Variants in MAP2 observed in about 807,000 individuals in gnomAD.
MAP2 encodes microtubule-associated protein 2.
In MAP2, 14 loss-of-function variants were observed where a neutral mutation model predicts 137.6. The ratio of observed to expected loss-of-function variants is 0.10; its 90% confidence interval spans 0.07 to 0.16. MAP2 has a LOEUF of 0.16. Among genes scored for constraint, MAP2 ranks in the 10% least tolerant of loss-of-function variants. The pLI, the probability that MAP2 is intolerant of heterozygous loss-of-function variation, is 1.00. For missense variants in MAP2, 2,088 were observed against 2,191.5 expected (o/e 0.95, Z 0.94); for synonymous variants, 786 against 782.3 (o/e 1.00, Z -0.08).
At chr2:209,646,442 A>G (rs1475325863) in intron 4 of MAP2, among the ~76,000 whole-genome samples, 2 of 152,226 alleles carry the variant, frequency 1.3e-5, no homozygotes, top group Non-Finnish European at 2.9e-5. Context: ...CACATACTCA[A>G]GTAAGATTTT....
At chr2:209,650,573 G>T (rs2094722616) in intron 4 of MAP2, among the ~76,000 whole-genome samples, 1 of 152,092 alleles carries the variant, frequency 6.6e-6, no homozygotes, top group Admixed American at 6.6e-5. Context: ...GAGACATGAG[G>T]ACTAAATATA....
chr2:209,467,425 C>A (rs1435296042), intron 1 of MAP2, among the ~76,000 whole-genome samples: 1 of 152,162 alleles, frequency 6.6e-6, no homozygotes, highest in Non-Finnish European at 1.5e-5. Context: ...CCATTGAGGA[C>A]TACTTAAAAT....
rs527599702 is a variant in MAP2, at chr2:209,644,334, C to A, written c.-29-8808C>A. On this transcript the variant is annotated intron_variant, in intron 4 of 15. Coordinates refer to ENST00000682079, the MANE Select transcript of MAP2 (RefSeq NM_001375505.1). ...CAGATTTAGAAATGTTTTTACTAGA[C>A]CCTATTCGTGTCCAGTAGTTTGTTT... Among the ~76,000 whole-genome samples, 159 of 152,240 alleles carry A rather than the reference C, an allele frequency of 1.0e-3. 1 individual carries two copies. Among genetic ancestry groups the A allele is most frequent in the African/African-American group, 3.7e-3 (152 of 41,550 alleles).
chr2:209,629,143 G>C (rs544691805), intron 4 of MAP2, among the ~76,000 whole-genome samples: 4 of 152,196 alleles, frequency 2.6e-5, no homozygotes, highest in African/African-American at 9.7e-5. Context: ...TAATTAGCTG[G>C]ATGAGAAAGC....
intron 1 of MAP2, among the ~76,000 whole-genome samples, chr2:209,500,036 C>T (rs761920820): frequency 6.6e-6 from 1 of 152,168 alleles, no homozygotes; most frequent in Non-Finnish European, 1.5e-5. Flanking sequence ...GTAACACTCT[C>T]CTTTATATGG....
intron 3 of MAP2, among the ~76,000 whole-genome samples, chr2:209,603,186 C>T (rs888028806): frequency 6.6e-5 from 10 of 152,048 alleles, no homozygotes; most frequent in African/African-American, 1.4e-4. Flanking sequence ...ACTGACCTGA[C>T]GCCCACAAAT....
intron 4 of MAP2, among the ~76,000 whole-genome samples, chr2:209,648,643 G>T (rs1352102504): frequency 2.1e-5 from 2 of 96,716 alleles, no homozygotes; most frequent in Non-Finnish European, 4.1e-5. Flanking sequence ...AAAAAAAAAA[G>T]CCAGGCATGT....
intron 3 of MAP2, among the ~76,000 whole-genome samples, chr2:209,612,439 A>T (rs778813370): frequency 2.0e-5 from 3 of 152,180 alleles, no homozygotes; most frequent in Admixed American, 6.5e-5. Flanking sequence ...TTATTTCTTT[A>T]TGAAAAAATG....
intron 3 of MAP2, among the ~76,000 whole-genome samples, chr2:209,624,409 T>A (rs934618455): frequency 1.3e-5 from 2 of 152,188 alleles, no homozygotes; most frequent in African/African-American, 4.8e-5. Flanking sequence ...GAATGGCTTA[T>A]GAAGTAGAAA....
intron 4 of MAP2, among the ~76,000 whole-genome samples, chr2:209,641,573 G>A (rs754369649): frequency 2.7e-5 from 4 of 150,550 alleles, no homozygotes; most frequent in Non-Finnish European, 5.9e-5. Context: ...TCTAGTAAGC[G>A]GTAGACCCAG....
At chr2:209,444,689 G>A (rs1389721826) in intron 1 of MAP2, among the ~76,000 whole-genome samples, 1 of 151,504 alleles carries the variant, frequency 6.6e-6, no homozygotes, top group Non-Finnish European at 1.5e-5. Context: ...TGTTTAACTT[G>A]AAATTTAATT....
At chr2:209,708,567 A>T (rs2064243453) in intron 12 of MAP2, among the ~76,000 whole-genome samples, 1 of 152,184 alleles carries the variant, frequency 6.6e-6, no homozygotes, top group Admixed American at 6.5e-5. Context: ...TTAAGCAAAG[A>T]TTACATGTCC....
At chr2:209,460,912 C>T (rs1244119504) in intron 1 of MAP2, among the ~76,000 whole-genome samples, 1 of 151,954 alleles carries the variant, frequency 6.6e-6, no homozygotes, top group African/African-American at 2.4e-5. Flanking sequence ...CCACACCCAG[C>T]TAATTTTTGT....
chr2:209,490,111 G>A (rs547098690), intron 1 of MAP2, among the ~76,000 whole-genome samples: 22 of 152,262 alleles, frequency 1.4e-4, no homozygotes, highest in South Asian at 6.2e-4. Flanking sequence ...AGAAGAGAGC[G>A]GGGGAAAATA....
chr2:209,650,348 T>C (rs2094701990), intron 4 of MAP2, among the ~76,000 whole-genome samples: 1 of 152,180 alleles, frequency 6.6e-6, no homozygotes, highest in Admixed American at 6.6e-5. Context: ...AAATATCCAG[T>C]AGCGTATCAA....
At chr2:209,690,976 T>C (rs1297702687) in intron 7 of MAP2, 1 of 920,476 alleles carries the variant, frequency 1.1e-6, no homozygotes, top group African/African-American at 1.7e-5. Context: ...AGTCCACTGT[T>C]GTAGGCTTAA....
At chr2:209,593,712 T>C (rs2080159331) in intron 3 of MAP2, among the ~76,000 whole-genome samples, 1 of 89,376 alleles carries the variant, frequency 1.1e-5, no homozygotes, top group Non-Finnish European at 2.1e-5. Flanking sequence ...TTATATTTTA[T>C]ATTATATATA....
intron 3 of MAP2, among the ~76,000 whole-genome samples, chr2:209,618,158 C>T (rs2090101646): frequency 6.6e-6 from 1 of 151,706 alleles, no homozygotes; most frequent in Non-Finnish European, 1.5e-5. Context: ...GAGAACACTT[C>T]AGTTAAATAA....
In MAP2 at chr2:209,637,051, A is replaced by G. The variant is rs142860285; in HGVS notation, c.-30+11922A>G. On this transcript the variant is annotated intron_variant, in intron 4 of 15. Transcript: ENST00000682079. ...AAGTCTAAAAATCACAGAATGCCAA[A>G]TGAAAGCTCAGAACCTACCTGAATA... is the stretch of plus-strand genomic sequence containing the variant. Among the ~76,000 whole-genome samples, 607 of 152,282 alleles carry G rather than the reference A, an allele frequency of 4.0e-3. 6 individuals carry two copies. The highest frequency in any genetic ancestry group is 0.014 in the African/African-American group (572 of 41,562).
Sources: allele counts gnomAD v4.1 joint callset (sites outside exome capture counted in the v4.1 genomes callset), GRCh38; gene constraint gnomAD v4.1.1; transcripts MANE v1.5; gene names NCBI Gene and HGNC (gene_info 2026-07-23, HGNC 2026-07-21).